ARHGEF3: variants seen among roughly 807,000 people sequenced by gnomAD.
ARHGEF3 encodes 59.8 kDA protein.
Under a neutral mutation model 63.2 loss-of-function variants are expected in ARHGEF3, and 28 were observed. The observed-to-expected ratio is 0.44, with a 90% CI of 0.33 to 0.61. ARHGEF3 has a LOEUF of 0.61. ARHGEF3 is among the 20% of genes least tolerant of loss of function. The pLI, the probability that ARHGEF3 is intolerant of heterozygous loss-of-function variation, is 0.03. For missense variants in ARHGEF3, 533 were observed against 659.3 expected (o/e 0.81, Z 2.10); for synonymous variants, 266 against 254.2 (o/e 1.05, Z -0.44).
At chr3:57,013,724 G>A (rs1262747772) in intron 2 of ARHGEF3, among the ~76,000 whole-genome samples, 2 of 152,172 alleles carry the variant, frequency 1.3e-5, no homozygotes, top group East Asian at 3.9e-4. Context: ...TTTGTGTCTA[G>A]CTAAAAGATT....
At chr3:56,974,710 T>A (rs1380994147) in intron 2 of ARHGEF3, among the ~76,000 whole-genome samples, 1 of 152,092 alleles carries the variant, frequency 6.6e-6, no homozygotes, top group East Asian at 1.9e-4. Flanking sequence ...ACGTTTTCAA[T>A]GGCAAAGGCT....
intron 2 of ARHGEF3, among the ~76,000 whole-genome samples, chr3:57,013,885 G>C (rs1209168904): frequency 6.6e-6 from 1 of 152,212 alleles, no homozygotes; most frequent in African/African-American, 2.4e-5. Context: ...GGTGGGGCCA[G>C]ATAAGGGAAT....
intron 4 of ARHGEF3, among the ~76,000 whole-genome samples, chr3:56,828,023 G>A (rs1233670867): frequency 6.9e-6 from 1 of 145,524 alleles, no homozygotes; most frequent in African/African-American, 2.5e-5. Flanking sequence ...CAAGATATAC[G>A]TGAAGTACAC....
intron 4 of ARHGEF3, among the ~76,000 whole-genome samples, chr3:56,813,933 C>T (rs2038167002): frequency 6.6e-6 from 1 of 152,042 alleles, no homozygotes; most frequent in Non-Finnish European, 1.5e-5. Flanking sequence ...CCAACATTCT[C>T]CCTCCTACCT....
intron 3 of ARHGEF3, among the ~76,000 whole-genome samples, chr3:56,909,230 A>G (rs1245942994): frequency 1.3e-5 from 2 of 152,238 alleles, no homozygotes; most frequent in African/African-American, 4.8e-5. Flanking sequence ...GAGAATACTC[A>G]AAGATACACA....
chr3:56,961,443 T>C (rs1700275170), intron 2 of ARHGEF3, among the ~76,000 whole-genome samples: 1 of 152,032 alleles, frequency 6.6e-6, no homozygotes, highest in Non-Finnish European at 1.5e-5. Context: ...GCAGTCCCTC[T>C]CACATGAAGA....
intron 2 of ARHGEF3, among the ~76,000 whole-genome samples, chr3:56,968,322 T>TTA (rs1700751764): frequency 3.7e-5 from 2 of 53,886 alleles, no homozygotes; most frequent in Non-Finnish European, 7.1e-5. Context: ...AAAATATATT[T>TTA]TATATATATA....
At chr3:56,927,574 A>C (rs1277824095) in intron 3 of ARHGEF3, among the ~76,000 whole-genome samples, 2 of 152,230 alleles carry the variant, frequency 1.3e-5, no homozygotes, top group Non-Finnish European at 2.9e-5. Context: ...AGAATTTTTC[A>C]ACAAAAATGA....
At chr3:56,982,662 C>T (rs1701370766) in intron 2 of ARHGEF3, among the ~76,000 whole-genome samples, 1 of 152,132 alleles carries the variant, frequency 6.6e-6, no homozygotes, top group South Asian at 2.1e-4. Flanking sequence ...GGTCTCTGAA[C>T]CATAAGTACC....
At chr3:56,787,213 C>G (rs897163467) in intron 1 of ARHGEF3, among the ~76,000 whole-genome samples, 1 of 152,174 alleles carries the variant, frequency 6.6e-6, no homozygotes, top group Non-Finnish European at 1.5e-5. Flanking sequence ...TCTTCTTTTA[C>G]ATGCCAGGCC....
At chr3:57,079,175 CG>C in intron 1 of ARHGEF3, 3 of 394,678 alleles carry the variant, frequency 7.6e-6, no homozygotes, top group Non-Finnish European at 1.3e-5. Flanking sequence ...GGTGTCTAGC[CG>C]GGGAGGGTCT....
chr3:56,786,203 T>C (rs2107896204), intron 1 of ARHGEF3, among the ~76,000 whole-genome samples: 1 of 152,306 alleles, frequency 6.6e-6, no homozygotes, highest in East Asian at 1.9e-4. Context: ...AAAAAGCTAC[T>C]AGTCAAACAA....
chr3:57,032,622 C>T (rs1168506220), intron 2 of ARHGEF3, among the ~76,000 whole-genome samples: 2 of 152,330 alleles, frequency 1.3e-5, no homozygotes, highest in South Asian at 2.1e-4. Flanking sequence ...CCTTAGAGGA[C>T]CACTGTGAGA....
At chr3:56,779,476 G>C (rs1238414975) in intron 1 of ARHGEF3, among the ~76,000 whole-genome samples, 1 of 150,856 alleles carries the variant, frequency 6.6e-6, no homozygotes, top group East Asian at 1.9e-4. Context: ...AAAATAAAAA[G>C]TTTTTTTTTA....
intron 4 of ARHGEF3, among the ~76,000 whole-genome samples, chr3:56,811,769 C>A (rs758634956): frequency 1.7e-4 from 26 of 152,152 alleles, no homozygotes; most frequent in Non-Finnish European, 3.5e-4. Flanking sequence ...GTCACTAGTT[C>A]CCCAGATTTT....
intron 3 of ARHGEF3, among the ~76,000 whole-genome samples, chr3:56,895,582 G>C (rs1267176898): frequency 1.3e-5 from 2 of 151,978 alleles, no homozygotes; most frequent in Admixed American, 1.3e-4. Flanking sequence ...TCCTGGCTCA[G>C]CCTCCCGAGC....
chr3:57,040,474 C>CAAAAG (rs145206230), intron 1 of ARHGEF3, among the ~76,000 whole-genome samples: 47 of 144,636 alleles, frequency 3.2e-4, no homozygotes, highest in Middle Eastern at 3.4e-3. Context: ...AAGACTCCGT[C>CAAAAG]AAAAGAAAAG....
intron 1 of ARHGEF3, among the ~76,000 whole-genome samples, chr3:57,054,597 C>T (rs1346421349): frequency 6.6e-6 from 1 of 150,798 alleles, no homozygotes; most frequent in East Asian, 2.0e-4. Context: ...CAACATCACA[C>T]CACTGCACTC....
chr3:56,748,131 C>T (rs946996877), intron 6 of ARHGEF3, among the ~76,000 whole-genome samples: 2 of 152,164 alleles, frequency 1.3e-5, no homozygotes, highest in African/African-American at 4.8e-5. Context: ...TCTTCCCAGG[C>T]TCAAACAATT....
Sources: allele counts gnomAD v4.1 joint callset (sites outside exome capture counted in the v4.1 genomes callset), GRCh38; gene constraint gnomAD v4.1.1; transcripts MANE v1.5; gene names NCBI Gene and HGNC (gene_info 2026-07-23, HGNC 2026-07-21).